Variants in ASB4 observed in about 807,000 individuals in gnomAD.
The protein encoded by ASB4 is ankyrin repeat and SOCS box protein 4.
Under a neutral mutation model 38.6 loss-of-function variants are expected in ASB4, and 35 were observed. That is an observed-to-expected ratio of 0.91 (90% confidence interval 0.69 to 1.20). ASB4 has a LOEUF of 1.20. Ranked by LOEUF, ASB4 falls within the 50% of genes most tolerant of loss-of-function variation. ASB4 has a pLI of 0.00. For missense variants in ASB4, 557 were observed against 527.2 expected (o/e 1.06, Z -0.55); for synonymous variants, 195 against 201.3 (o/e 0.97, Z 0.26).
chr7:95,493,619 G>C (rs1790205325), intron 1 of ASB4, among the ~76,000 whole-genome samples: 1 of 152,058 alleles, frequency 6.6e-6, no homozygotes, highest in Non-Finnish European at 1.5e-5. Flanking sequence ...AAATTTAGAA[G>C]TTGCCAAGGA....
Position 95,505,692 on chromosome 7 carries a change from C to G in ASB4, c.487+9635C>G, listed in dbSNP as rs113967857. On this transcript the variant is annotated intron_variant, in intron 2 of 4. Coordinates refer to ENST00000325885, the MANE Select transcript of ASB4 (RefSeq NM_016116.3). ...TCCTTTTCCTCTATCCGTGTCCCCC[C>G]CCCCCCAAATACTTATTCATTCCCT... Among the ~76,000 whole-genome samples, 840 of 143,206 alleles carry G rather than the reference C, an allele frequency of 5.9e-3. 6 individuals carry two copies. The highest frequency in any genetic ancestry group is 0.019 in the African/African-American group (742 of 39,494). 93.9% of individuals were successfully genotyped at this position (143,206 alleles called of 152,430 possible). A position where few individuals can be genotyped will look rare whatever the true frequency, so the allele number is the denominator to read the frequency against.
At chr7:95,496,994 A>G (rs1054211757) in intron 2 of ASB4, among the ~76,000 whole-genome samples, 5 of 152,126 alleles carry the variant, frequency 3.3e-5, no homozygotes, top group Admixed American at 6.5e-5. Flanking sequence ...TGGAATATTA[A>G]ACAGATAGAA....
intron 1 of ASB4, among the ~76,000 whole-genome samples, chr7:95,479,707 T>C (rs1790007876): frequency 6.6e-6 from 1 of 152,224 alleles, no homozygotes; most frequent in African/African-American, 2.4e-5. Context: ...GAACCTACTA[T>C]GTATCAGGCC....
intron 2 of ASB4, among the ~76,000 whole-genome samples, chr7:95,499,662 C>A (rs1355319247): frequency 6.6e-6 from 1 of 151,996 alleles, no homozygotes; most frequent in African/African-American, 2.4e-5. Context: ...CAGAAGTGAA[C>A]ATAAGAAGAG....
At chr7:95,496,079 A>T (rs1364098181) in intron 2 of ASB4, 22 bp downstream of exon 2, 1 of 1,599,192 alleles carries the variant, frequency 6.3e-7, no homozygotes, top group East Asian at 2.2e-5. Context: ...TGGGTGGCCA[A>T]CATTGTTGTC....
At chr7:95,474,489 A>G (rs1789956877), upstream of ASB4, among the ~76,000 whole-genome samples, 1 of 152,098 alleles carries the variant, frequency 6.6e-6, no homozygotes, top group Admixed American at 6.6e-5. Context: ...ATGATTGCAG[A>G]ATGTGCAGTT....
chr7:95,526,830 G>A (rs990776128), intron 2 of ASB4, among the ~76,000 whole-genome samples: 3 of 152,198 alleles, frequency 2.0e-5, no homozygotes. Flanking sequence ...GCTGATATTA[G>A]AGTTGGCCCC....
At chr7:95,532,826 A>T (rs1206793723) in intron 3 of ASB4, among the ~76,000 whole-genome samples, 1 of 152,112 alleles carries the variant, frequency 6.6e-6, no homozygotes, top group Non-Finnish European at 1.5e-5. Context: ...TTTTTGTCTA[A>T]TTGTTCCTCC....
chr7:95,498,152 C>T lies in ASB4; in HGVS notation c.487+2095C>T, dbSNP rs1400226649. Among the ~76,000 whole-genome samples the T allele has an allele frequency of 6.6e-5, 10 of 152,166 alleles. No homozygotes were observed. The East Asian group carries it at 1.7e-3, about 26-fold the overall frequency. On this transcript the variant is annotated intron_variant, in intron 2 of 4. Coordinates refer to ENST00000325885, the MANE Select transcript of ASB4 (RefSeq NM_016116.3). ...CAGCAATGTATGAGAATTCCAGTTG[C>T]TTGGCAGAACTTGATAATGTGAGAT...
downstream of ASB4, chr7:95,542,075 C>CAAA (rs571519054): frequency 6.4e-5 from 9 of 139,920 alleles, no homozygotes; most frequent in African/African-American, 2.5e-4. Flanking sequence ...TGTAAAAAAA[C>CAAA]AAAAAAAACA....
chr7:95,496,071 G>A lies in ASB4; in HGVS notation c.487+14G>A. 6.2e-7 allele frequency: 1 copy of A among 1,603,830 alleles called. No individual in the cohort carries two copies. The highest frequency in any genetic ancestry group is 8.5e-7 in the Non-Finnish European group (1 of 1,173,086). ...TGGTTTGGAGAGGTAAGCCTTTCTG[G>A]GTGGCCAACATTGTTGTCTGCTTGT... On this transcript the variant is annotated intron_variant, in intron 2 of 4. Transcript: ENST00000325885.
chr7:95,485,989 C>G lies in ASB4; in HGVS notation c.18C>G (p.Ala6=), dbSNP rs1257892907. The part of the protein sequence containing the change: MDGTT[A]PVTKSGAAKL... Reference sequence around the variant, plus strand: ...GAGGAAGGATGGACGGCACCACTGCCCCTGTCACTAAATCTGGAGCTGCCA... The same window carrying G: ...GAGGAAGGATGGACGGCACCACTGCGCCTGTCACTAAATCTGGAGCTGCCA... Residue 6 remains alanine, a synonymous_variant, in exon 1 of 5, where the codon GCC becomes GCG. Transcript: ENST00000325885. 6.2e-7 allele frequency: 1 copy of G among 1,613,906 alleles called. No individual in the cohort carries two copies. The highest frequency in any genetic ancestry group is 1.6e-4 in the Middle Eastern group (1 of 6,062).
chr7:95,546,021 G>A, the ASB4 span, among the ~76,000 whole-genome samples: 1 of 152,198 alleles, frequency 6.6e-6, no homozygotes, highest in Non-Finnish European at 1.5e-5. Flanking sequence ...ACAGAGTAAT[G>A]CATAGAATCA....
chr7:95,530,118 A>G (rs1790798908), intron 3 of ASB4, among the ~76,000 whole-genome samples: 1 of 151,560 alleles, frequency 6.6e-6, no homozygotes, highest in Non-Finnish European at 1.5e-5. Context: ...AAAAAAAAAA[A>G]AAGAGAATGC....
chr7:95,547,530 T>G, the ASB4 span, among the ~76,000 whole-genome samples: 20 of 152,314 alleles, frequency 1.3e-4, no homozygotes, highest in African/African-American at 4.6e-4. Flanking sequence ...AAATAAATAT[T>G]TATGCATTCT....
At chr7:95,495,548 G>T (rs1044542249) in intron 1 of ASB4, among the ~76,000 whole-genome samples, 1 of 152,264 alleles carries the variant, frequency 6.6e-6, no homozygotes, top group African/African-American at 2.4e-5. Flanking sequence ...GCTTGAGAAA[G>T]CCTGTTCCCC....
chr7:95,495,726 A>G (rs1562810995), intron 1 of ASB4, 32 bp from the exon 2 acceptor site: 9 of 1,546,292 alleles, frequency 5.8e-6, no homozygotes, highest in Non-Finnish European at 7.8e-6. Flanking sequence ...AAGAAGTTAA[A>G]CTTTCCTTTT....
downstream of ASB4, among the ~76,000 whole-genome samples, chr7:95,541,511 T>A (rs897482994): frequency 1.3e-5 from 2 of 152,186 alleles, no homozygotes; most frequent in African/African-American, 2.4e-5. Flanking sequence ...AGGACTTTGA[T>A]GACAGCTGGG....
chr7:95,516,473 A>G (rs777547543), intron 2 of ASB4, among the ~76,000 whole-genome samples: 21 of 152,368 alleles, frequency 1.4e-4, no homozygotes, highest in Non-Finnish European at 2.1e-4. Context: ...TTAAAAATAA[A>G]CAAAATGATA....
Sources: gnomAD v4.1 joint callset for allele counts (sites outside exome capture counted in the v4.1 genomes callset) on GRCh38, gnomAD v4.1.1 for gene constraint, MANE v1.5 for transcripts, NCBI Gene and HGNC (gene_info 2026-07-23, HGNC 2026-07-21) for gene names.